The following FILIP1 variants were observed in gnomAD, a reference collection of about 807,000 sequenced individuals.
FILIP1 encodes the protein filamin A interacting protein 1.
Under a neutral mutation model 102.1 loss-of-function variants are expected in FILIP1, and 61 were observed. The ratio of observed to expected loss-of-function variants is 0.60; its 90% CI spans 0.49 to 0.74. The LOEUF (loss-of-function observed/expected upper bound fraction) is 0.74. Ranked by LOEUF, FILIP1 falls within the 30% of genes least tolerant of loss-of-function variation. FILIP1 has a pLI of 0.00. For synonymous variants in FILIP1, 491 were observed against 526.9 expected, an observed-to-expected ratio of 0.93 and a Z score of 0.93; for missense variants, 1,314 against 1,441.2, an observed-to-expected ratio of 0.91 and a Z score of 1.43.
At chr6:75,293,212 A>G (rs1314487166) in exon 7 of FILIP1, 1 of 152,236 alleles carries the variant, frequency 6.6e-6, no homozygotes, top group African/African-American at 2.4e-5. Context: ...GAAAACAGTT[A>G]TAATTATTTC....
At position 75,493,586 on chromosome 6, in the gene FILIP1, A is replaced by G. The variant is rs1780032652; in HGVS notation, c.-179T>C. On this transcript the variant is annotated 5_prime_UTR_variant, in exon 1 of 6. Transcript: ENST00000237172. ...CCACTTTCTTTCCCAGGACCAGCCA[A>G]TAGCTGAAGTCATGCAGGAAACAGA... 6.6e-6 allele frequency: 1 copy of G among 152,246 alleles called. No homozygotes were observed. The highest frequency in any genetic ancestry group is 2.1e-4 in the South Asian group (1 of 4,824). The allele number at this position is 152,246 out of a possible 1,614,324, so 9.4% of individuals were successfully genotyped here.
intron 4 of FILIP1, among the ~76,000 whole-genome samples, chr6:75,343,126 G>A (rs1266459884): frequency 6.6e-6 from 1 of 152,124 alleles, no homozygotes; most frequent in African/African-American, 2.4e-5. Context: ...TTGGAAGAGA[G>A]TGAGCTATCT....
intron 4 of FILIP1, chr6:75,320,008 G>A: frequency 3.3e-6 from 1 of 304,294 alleles, no homozygotes; most frequent in Non-Finnish European, 6.2e-6. Flanking sequence ...CAGCAAGGCA[G>A]AGTCGCCCAG....
At chr6:75,467,271 C>A (rs914607306) in intron 1 of FILIP1, among the ~76,000 whole-genome samples, 1 of 152,160 alleles carries the variant, frequency 6.6e-6, no homozygotes, top group Admixed American at 6.5e-5. Context: ...ATGCATATTT[C>A]TAATGAATAA....
intron 1 of FILIP1, among the ~76,000 whole-genome samples, chr6:75,489,314 T>C (rs1467373359): frequency 6.6e-6 from 1 of 152,110 alleles, no homozygotes; most frequent in African/African-American, 2.4e-5. Context: ...TTGGCTGCTG[T>C]TCAAATTGTG....
chr6:75,465,446 C>CATTAAAA, intron 1 of FILIP1: 1 of 905,054 alleles, frequency 1.1e-6, no homozygotes, highest in Non-Finnish European at 1.7e-6. Flanking sequence ...TGACCCATAT[C>CATTAAAA]AATGCTAGCA....
chr6:75,386,696 G>T (rs1461016849), intron 2 of FILIP1, among the ~76,000 whole-genome samples: 1 of 152,118 alleles, frequency 6.6e-6, no homozygotes, highest in Non-Finnish European at 1.5e-5. Context: ...ATTCACCAAA[G>T]CCACAAACGA....
At chr6:75,482,049 T>A (rs1779662254) in intron 1 of FILIP1, among the ~76,000 whole-genome samples, 1 of 152,196 alleles carries the variant, frequency 6.6e-6, no homozygotes, top group African/African-American at 2.4e-5. Context: ...CACAGGCCAC[T>A]TTCATCTGGT....
At chr6:75,372,400 T>C (rs1422421596) in intron 2 of FILIP1, among the ~76,000 whole-genome samples, 1 of 144,970 alleles carries the variant, frequency 6.9e-6, no homozygotes, top group Non-Finnish European at 1.5e-5. Flanking sequence ...TTAATATCCA[T>C]ATCTAGAATA....
intron 1 of FILIP1, among the ~76,000 whole-genome samples, chr6:75,415,450 T>A (rs1361556564): frequency 6.9e-6 from 1 of 145,936 alleles, no homozygotes; most frequent in Non-Finnish European, 1.5e-5. Flanking sequence ...AAAACTGTTC[T>A]AAGATAAAAT....
intron 2 of FILIP1, among the ~76,000 whole-genome samples, chr6:75,384,093 A>G (rs1422182843): frequency 1.3e-5 from 2 of 152,070 alleles, no homozygotes; most frequent in African/African-American, 4.8e-5. Context: ...AGCCTCTTCT[A>G]TTTTTATGTC....
rs748167295 is a variant in FILIP1, at chr6:75,312,392, C to T, written c.3435+5G>A. On this transcript the variant is annotated splice_donor_5th_base_variant and intron_variant, in intron 5 of 5. Coordinates refer to ENST00000237172, the MANE Select transcript of FILIP1 (RefSeq NM_015687.5). ...GGCCTGCGCTTTGGAGCCTCTTCTACTCACCACTGACTGGGTTCCTCGAGC... is the reference window on the plus strand; with the variant it reads ...GGCCTGCGCTTTGGAGCCTCTTCTATTCACCACTGACTGGGTTCCTCGAGC... 1.2e-6 allele frequency: 2 copies of T among 1,611,132 alleles called. No individual in the cohort carries two copies. Among genetic ancestry groups the T allele is most frequent in the Middle Eastern group, 3.3e-4 (2 of 6,042 alleles).
intron 1 of FILIP1, among the ~76,000 whole-genome samples, chr6:75,461,827 G>A (rs1478946225): frequency 6.6e-6 from 1 of 152,220 alleles, no homozygotes; most frequent in Non-Finnish European, 1.5e-5. Flanking sequence ...GGCGAAGTGT[G>A]TGCATGCAAC....
chr6:75,308,758 G>C lies in FILIP1; in HGVS notation c.3575C>G (p.Ser1192Cys). ...TKFEPRAETQ[S>C]MKIELKKSAA... ...AGATTTCTTCAGCTCTATTTTCATA[G>C]ACTGAGTCTCAGCTCGAGGCTCGAA... Residue 1192 changes from serine to cysteine, a missense_variant, in exon 6 of 6, where the codon TCT becomes TGT. Around this residue, in one of 3 missense-constraint regions of FILIP1, gnomAD observed 816 missense variants for 913.1 expected, o/e 0.89. Coordinates refer to ENST00000237172, the MANE Select transcript of FILIP1 (RefSeq NM_015687.5). 6.2e-7 allele frequency: 1 copy of C among 1,613,994 alleles called. No homozygotes were observed. Among genetic ancestry groups the C allele is most frequent in the South Asian group, 1.1e-5 (1 of 91,070 alleles).
chr6:75,486,940 G>A (rs898396975), intron 1 of FILIP1, among the ~76,000 whole-genome samples: 1 of 151,972 alleles, frequency 6.6e-6, no homozygotes, highest in African/African-American at 2.4e-5. Context: ...TAGAAGTTGG[G>A]GATGTCTTAT....
At chr6:75,392,281 C>T (rs1171567115) in intron 2 of FILIP1, among the ~76,000 whole-genome samples, 1 of 152,130 alleles carries the variant, frequency 6.6e-6, no homozygotes, top group Non-Finnish European at 1.5e-5. Context: ...CATCTATATA[C>T]ATGTGACTTC....
At chr6:75,372,445 T>A (rs567294829) in intron 2 of FILIP1, among the ~76,000 whole-genome samples, 3 of 143,694 alleles carry the variant, frequency 2.1e-5, no homozygotes, top group East Asian at 2.0e-4. Flanking sequence ...GAAAAAAAAA[T>A]TTAATGGGCA....
intron 1 of FILIP1, among the ~76,000 whole-genome samples, chr6:75,424,316 T>G (rs1459578949): frequency 6.6e-6 from 1 of 152,198 alleles, no homozygotes; most frequent in Non-Finnish European, 1.5e-5. Flanking sequence ...CAAACAATAA[T>G]AAATGATAAA....
At chr6:75,315,675 A>G (rs1773420355) in intron 4 of FILIP1, among the ~76,000 whole-genome samples, 1 of 152,234 alleles carries the variant, frequency 6.6e-6, no homozygotes, top group East Asian at 1.9e-4. Flanking sequence ...TACTATCATC[A>G]CCATGAAAAA....
Sources: gnomAD v4.1 joint callset for allele counts (sites outside exome capture counted in the v4.1 genomes callset) on GRCh38, gnomAD v4.1.1 for gene constraint, gnomAD v4.1.1 regional missense constraint, MANE v1.5 for transcripts, NCBI Gene and HGNC (gene_info 2026-07-23, HGNC 2026-07-21) for gene names.